The following WDR1 variants were observed in gnomAD, a reference collection of about 807,000 sequenced individuals.
WDR1 encodes WD repeat-containing protein 1.
WDR1 carries 21 observed loss-of-function variants against 71.9 expected under a neutral mutation model. The observed-to-expected ratio is 0.29, with a 90% CI of 0.21 to 0.42. WDR1 has a LOEUF of 0.42. WDR1 is among the 10% of genes least tolerant of loss of function. The pLI is 1.00. For synonymous variants in WDR1, 424 were observed against 347.4 expected, an observed-to-expected ratio of 1.22 and a Z score of -2.45; for missense variants, 696 against 824.5, an observed-to-expected ratio of 0.84 and a Z score of 1.91.
Position 10,099,052 on chromosome 4 carries a change from T to C in WDR1, c.317A>G (p.Lys106Arg). 1 of 1,614,022 alleles carries C rather than the reference T, an allele frequency of 6.2e-7. No homozygotes were observed. The highest frequency in any genetic ancestry group is 8.5e-7 in the Non-Finnish European group (1 of 1,179,896). The stretch of plus-strand genomic sequence containing the variant: ...ACTGTCTTCAGTCCAAGCAATGTCT[T>C]TGATCTTCCCAGCGAAAGGCTGGTA... ...YEYQPFAGKIKDIAWTEDSKR... is the reference protein window; with the variant it reads ...YEYQPFAGKIRDIAWTEDSKR... The change falls in exon 4 of 15, where the codon AAA becomes AGA. Residue 106 changes from lysine to arginine, a missense_variant. Coordinates refer to ENST00000499869, the MANE Select transcript of WDR1 (RefSeq NM_017491.5).
chr4:10,116,318 C>G, intron 1 of WDR1, 84 bp from the exon 2 acceptor site: 2 of 1,582,226 alleles, frequency 1.3e-6, no homozygotes, highest in South Asian at 1.1e-5. Flanking sequence ...CCGGACCGGT[C>G]TCGGCCGGTC....
intron 14 of WDR1, chr4:10,076,634 A>C (rs1764806156): frequency 6.6e-6 from 1 of 152,344 alleles, no homozygotes; most frequent in South Asian, 2.1e-4. Context: ...TGAAGCCTGC[A>C]GCTGGGGAAT....
chr4:10,092,990 G>A (rs544078481), intron 5 of WDR1: 19 of 1,174,060 alleles, frequency 1.6e-5, no homozygotes, highest in South Asian at 5.1e-5. Flanking sequence ...CTGTATCAAC[G>A]AGCCCCCCTC....
At chr4:10,087,636 T>C in intron 8 of WDR1, 71 bp downstream of exon 8, 1 of 1,438,408 alleles carries the variant, frequency 7.0e-7, no homozygotes, top group Non-Finnish European at 9.3e-7. Flanking sequence ...TCGGTTCCCC[T>C]TCCTTGCTGG....
intron 1 of WDR1, 105 bp from the exon 2 acceptor site, chr4:10,116,339 T>C (rs752964634): frequency 2.7e-6 from 4 of 1,504,662 alleles, no homozygotes; most frequent in Admixed American, 2.0e-5. Flanking sequence ...ACCTGTTGAC[T>C]GCGCCGGGAG....
intron 8 of WDR1, among the ~76,000 whole-genome samples, chr4:10,085,794 G>A (rs1765186222): frequency 6.6e-6 from 1 of 152,216 alleles, no homozygotes; most frequent in Admixed American, 6.5e-5. Context: ...AGCCTGGGCT[G>A]ATACCTGCTG....
At position 10,084,484 on chromosome 4, in the gene WDR1, C is replaced by T. The variant is rs1429162079; in HGVS notation, c.998G>A (p.Gly333Asp). ...IQCLTVHKNG[G>D]KSYIYSGSHD... is the part of the protein sequence containing the mutation. ...GCTCCCAGAGTAAATGTAGGACTTGCCGCCGTTTTTATGCACCGTCAGACA... is the reference window on the plus strand; with the variant it reads ...GCTCCCAGAGTAAATGTAGGACTTGTCGCCGTTTTTATGCACCGTCAGACA... Residue 333 changes from glycine to aspartate, a missense_variant, in exon 9 of 15, where the codon GGC becomes GAC. Physicochemically the swap from Gly to Asp is moderately conservative, Grantham distance 94 (BLOSUM62 -1). Coordinates refer to ENST00000499869, the MANE Select transcript of WDR1 (RefSeq NM_017491.5). 1 of 1,613,808 alleles carries T rather than the reference C, an allele frequency of 6.2e-7. No homozygotes were observed. The highest frequency in any genetic ancestry group is 2.2e-5 in the East Asian group (1 of 44,892).
chr4:10,102,832 T>G (rs1331687330), intron 3 of WDR1, among the ~76,000 whole-genome samples: 3 of 152,190 alleles, frequency 2.0e-5, no homozygotes, highest in African/African-American at 7.2e-5. Context: ...TGGTCATAGC[T>G]GTCACTCTCC....
intron 2 of WDR1, among the ~76,000 whole-genome samples, chr4:10,110,802 C>A (rs73807223): frequency 1.1e-4 from 17 of 152,322 alleles, no homozygotes; most frequent in East Asian, 5.8e-4. Context: ...CGGCCATGTA[C>A]CTTGTCGGAT....
At chr4:10,082,312 T>C (rs761416152) in intron 10 of WDR1, among the ~76,000 whole-genome samples, 1 of 146,974 alleles carries the variant, frequency 6.8e-6, no homozygotes, top group African/African-American at 2.5e-5. Context: ...GCCCCAGGAG[T>C]CCCCATCTCC....
At chr4:10,091,266 C>A (rs1380307150) in intron 5 of WDR1, among the ~76,000 whole-genome samples, 1 of 152,210 alleles carries the variant, frequency 6.6e-6, no homozygotes. Context: ...TTCACTAGTT[C>A]TAAGGCTGGT....
intron 3 of WDR1, among the ~76,000 whole-genome samples, chr4:10,101,667 T>C (rs1175851591): frequency 6.6e-6 from 1 of 152,176 alleles, no homozygotes; most frequent in Non-Finnish European, 1.5e-5. Context: ...CAGCCTTCCA[T>C]TGAATTCTGT....
At chr4:10,109,817 T>A (rs1005038112) in intron 2 of WDR1, among the ~76,000 whole-genome samples, 2 of 152,146 alleles carry the variant, frequency 1.3e-5, no homozygotes, top group African/African-American at 4.8e-5. Context: ...AGGTTCAGCA[T>A]CCTCACCTCT....
intron 2 of WDR1, among the ~76,000 whole-genome samples, chr4:10,105,420 A>C (rs1177140657): frequency 6.6e-6 from 1 of 152,256 alleles, no homozygotes; most frequent in African/African-American, 2.4e-5. Flanking sequence ...CCAGTCATAA[A>C]TTAATCCATT....
In WDR1 at chr4:10,097,909, G is replaced by C. The variant is rs1163669395; in HGVS notation, c.378-18C>G. ...CTCCAAACCTTGACCCAATGACACA[G>C]GTGGAAGACAAAAAAAAAAAAAAAA... is the stretch of plus-strand genomic sequence containing the variant. On this transcript the variant is annotated intron_variant, in intron 4 of 14. Transcript: ENST00000499869. 2.1e-6 allele frequency: 3 copies of C among 1,460,122 alleles called. No homozygotes were observed. Among genetic ancestry groups the C allele is most frequent in the East Asian group, 5.0e-5 (2 of 40,280 alleles). 90.4% of individuals were successfully genotyped at this position (1,460,122 alleles called of 1,614,324 possible).
chr4:10,111,678 C>T (rs1202174938), intron 2 of WDR1, among the ~76,000 whole-genome samples: 1 of 152,140 alleles, frequency 6.6e-6, no homozygotes, highest in Non-Finnish European at 1.5e-5. Context: ...TAGGTCAGTC[C>T]TCAAGCCCTC....
intron 5 of WDR1, among the ~76,000 whole-genome samples, chr4:10,090,115 A>G (rs1265328991): frequency 6.6e-6 from 1 of 152,196 alleles, no homozygotes; most frequent in Non-Finnish European, 1.5e-5. Context: ...AAGACAAGGA[A>G]GGACTCGGAG....
intron 1 of WDR1, 155 bp downstream of exon 1, chr4:10,116,496 C>T (rs1012679639): frequency 3.1e-6 from 2 of 642,676 alleles, no homozygotes; most frequent in East Asian, 7.8e-5. Context: ...TCCCGCCCTG[C>T]ACCACCGAGG....
chr4:10,093,175 A>T (rs1171430052), intron 5 of WDR1: 1 of 1,287,400 alleles, frequency 7.8e-7, no homozygotes, highest in East Asian at 5.6e-5. Context: ...CTACCTACCT[A>T]GTCAGCTCAG....
Sources: gnomAD v4.1 joint callset for allele counts (sites outside exome capture counted in the v4.1 genomes callset) on GRCh38, gnomAD v4.1.1 for gene constraint, MANE v1.5 for transcripts, NCBI Gene and HGNC (gene_info 2026-07-23, HGNC 2026-07-21) for gene names.